NPAS1: variants seen among roughly 807,000 people sequenced by gnomAD.
NPAS1 encodes neuronal PAS domain protein 1.
Under a neutral mutation model 49.2 loss-of-function variants are expected in NPAS1, and 29 were observed. The observed-to-expected ratio is 0.59, with a 90% confidence interval of 0.44 to 0.80. NPAS1 has a LOEUF of 0.80. Among genes scored for constraint, NPAS1 ranks in the 30% least tolerant of loss-of-function variants. The probability of loss-of-function intolerance (pLI) is 0.00; values close to 1 mark genes in which losing one functional copy is unlikely to be tolerated. For synonymous variants in NPAS1, 408 were observed against 380.4 expected, an observed-to-expected ratio of 1.07 and a Z score of -0.84; for missense variants, 825 against 835.5, an observed-to-expected ratio of 0.99 and a Z score of 0.15.
At chr19:47,027,444 TTCTCTCTGCCCCTGGTCTCCCG>T (rs1568501438) in intron 3 of NPAS1, among the ~76,000 whole-genome samples, 3 of 108,618 alleles carry the variant, frequency 2.8e-5, no homozygotes, top group African/African-American at 7.4e-5. Flanking sequence ...CTGGTCTCCC[TTCTCTCTGCCCCTGGTCTCCCG>T]TCTCTCTGCC....
At chr19:47,035,652 G>A (rs1272045005) in intron 5 of NPAS1, among the ~76,000 whole-genome samples, 1 of 152,166 alleles carries the variant, frequency 6.6e-6, no homozygotes, top group Non-Finnish European at 1.5e-5. Context: ...GGGGGTGGTA[G>A]TGAGTAAGCA....
At chr19:47,036,897 AAAAG>A (rs542211604) in intron 6 of NPAS1, among the ~76,000 whole-genome samples, 38 of 151,776 alleles carry the variant, frequency 2.5e-4, no homozygotes, top group Admixed American at 4.6e-4. Flanking sequence ...CAACAACAAC[AAAAG>A]AAAGAAAAAA....
In NPAS1 at chr19:47,021,542, G is replaced by A; in HGVS notation, c.123-70G>A. The A allele has an allele frequency of 9.2e-7, 1 of 1,090,286 alleles. No individual in the cohort carries two copies. The highest frequency in any genetic ancestry group is 1.2e-6 in the Non-Finnish European group (1 of 802,600). 67.5% of individuals were successfully genotyped at this position (1,090,286 alleles called of 1,614,324 possible). The stretch of plus-strand genomic sequence containing the variant: ...CGTTCCCAAGGCCCCGGGAGGCGGG[G>A]CTCGCCCCCAGTTCCCAAGCCCCTG... On this transcript the variant is annotated intron_variant, in intron 2 of 11. Transcript: ENST00000602212. This position sits in a 1 kb window ranked among gnomAD's most constrained non-coding sequence, Gnocchi z 5.7.
rs760984704 is a variant in NPAS1, at chr19:47,039,461, G to A, written c.859G>A (p.Gly287Arg). ...RAHALGLVALGHTLPPAPLAE... is the reference protein window; with the variant it reads ...RAHALGLVALRHTLPPAPLAE... ...CCACGCCCTGGGCCTTGTGGCCCTCGGGCACACGTTGCCCCCGGCCCCCCT... is the reference window on the plus strand; with the variant it reads ...CCACGCCCTGGGCCTTGTGGCCCTCAGGCACACGTTGCCCCCGGCCCCCCT... The change falls in exon 8 of 12, where the codon GGG (glycine) becomes AGG (arginine). Residue 287 changes from glycine to arginine, a missense_variant. Gly to Arg is a moderately radical substitution (Grantham distance 125, BLOSUM62 -2). Transcript: ENST00000602212. 6 of 1,611,330 alleles carry A rather than the reference G, an allele frequency of 3.7e-6. No individual in the cohort carries two copies. Among genetic ancestry groups the A allele is most frequent in the Non-Finnish European group, 5.1e-6 (6 of 1,179,422 alleles).
chr19:47,039,123 G>T lies in NPAS1; in HGVS notation c.776G>T (p.Gly259Val). 6.2e-7 allele frequency: 1 copy of T among 1,612,970 alleles called. No individual in the cohort carries two copies. Among genetic ancestry groups the T allele is most frequent in the Non-Finnish European group, 8.5e-7 (1 of 1,179,416 alleles). The change falls in exon 7 of 12, where the codon GGG becomes GTG. Residue 259 changes from glycine to valine, a missense_variant. Physicochemically the swap from Gly to Val is moderately radical, Grantham distance 109. Coordinates refer to ENST00000602212, the MANE Select transcript of NPAS1 (RefSeq NM_002517.4). ...VRMKSTLTKR[G>V]LHVKASGYKV... ...ATGAAATCCACGCTCACCAAGAGGG[G>T]GCTGCACGTCAAGGCCTCAGGGTAC...
rs749618980 is a variant in NPAS1 at position 47,040,567 on chromosome 19, C to T, written c.1069+17C>T. 2 of 1,526,522 alleles carry T rather than the reference C, an allele frequency of 1.3e-6. No homozygotes were observed. Among genetic ancestry groups the T allele is most frequent in the Non-Finnish European group, 1.8e-6 (2 of 1,121,540 alleles). 94.6% of individuals were successfully genotyped at this position (1,526,522 alleles called of 1,614,324 possible). On this transcript the variant is annotated intron_variant, in intron 9 of 11. Coordinates refer to ENST00000602212, the MANE Select transcript of NPAS1 (RefSeq NM_002517.4). ...ACGTGGACTGTGAGACCCACCTCCA[C>T]CCACCAAGCCTGCCTACCACCCCCC... is the stretch of plus-strand genomic sequence containing the variant.
At position 47,033,975 on chromosome 19, in the gene NPAS1, T is replaced by TAAAAAAA. The variant is rs532811476; in HGVS notation, c.522+1283_522+1289dup. Among the ~76,000 whole-genome samples, 10 of 100,836 alleles carry TAAAAAAA rather than the reference T, an allele frequency of 9.9e-5. 1 individual carries two copies. The highest frequency in any genetic ancestry group is 1.5e-4 in the Non-Finnish European group (8 of 51,788). The allele number at this position is 100,836 out of a possible 152,430, so 66.2% of individuals were successfully genotyped here. A position where few individuals can be genotyped will look rare whatever the true frequency, so the allele number is the denominator to read the frequency against. ...TGGACAACAAAGTGAGGCTATGCCT[T>TAAAAAAA]AAAAAAAAAAAAAAAAAAAAAAAAA... On this transcript the variant is annotated intron_variant, in intron 5 of 11. Transcript: ENST00000602212.
At chr19:47,024,713 C>T (rs142528153) in intron 3 of NPAS1, among the ~76,000 whole-genome samples, 2 of 152,078 alleles carry the variant, frequency 1.3e-5, no homozygotes, top group East Asian at 3.9e-4. Context: ...CTCAGTCCTC[C>T]ATCTGTGAAA....
chr19:47,036,893 C>A (rs551644330), intron 6 of NPAS1, among the ~76,000 whole-genome samples: 66 of 151,394 alleles, frequency 4.4e-4, no homozygotes, highest in Non-Finnish European at 7.5e-4. Flanking sequence ...AAAACAACAA[C>A]AACAAAAGAA....
intron 3 of NPAS1, among the ~76,000 whole-genome samples, chr19:47,022,441 T>G (rs1057374650): frequency 6.6e-6 from 1 of 152,078 alleles, no homozygotes; most frequent in Non-Finnish European, 1.5e-5. Flanking sequence ...TAATGTGAAG[T>G]GGGAAAAAAC....
Position 47,021,585 on chromosome 19 carries a change from G to A in NPAS1, c.123-27G>A, listed in dbSNP as rs1376629106. ...AGCCCCTGAGCCCCGGGGCCCCGCC[G>A]ACACCTCCTCCGCGCCGCCCGCCCA... On this transcript the variant is annotated intron_variant, in intron 2 of 11. Transcript: ENST00000602212. The surrounding 1 kb of genome is among the most constrained non-coding windows in gnomAD (Gnocchi z 5.7). 1.4e-6 allele frequency: 2 copies of A among 1,425,710 alleles called. No homozygotes were observed. The highest frequency in any genetic ancestry group is 5.6e-5 in the East Asian group (2 of 35,904). The allele number at this position is 1,425,710 out of a possible 1,614,324, so 88.3% of individuals were successfully genotyped here.
At chr19:47,031,496 C>G (rs1310017386) in intron 3 of NPAS1, among the ~76,000 whole-genome samples, 3 of 150,086 alleles carry the variant, frequency 2.0e-5, no homozygotes, top group African/African-American at 7.4e-5. Flanking sequence ...CCTCGCCCAG[C>G]CTGTTGGTTT....
At chr19:47,042,961 G>A in intron 11 of NPAS1, 57 bp downstream of exon 11, 1 of 1,352,346 alleles carries the variant, frequency 7.4e-7, no homozygotes, top group East Asian at 2.8e-5. Context: ...TTTGGGTCCT[G>A]GCTGTCCATT....
intron 3 of NPAS1, among the ~76,000 whole-genome samples, chr19:47,027,552 CTGT>C (rs1224269487): frequency 2.6e-4 from 12 of 46,442 alleles, no homozygotes; most frequent in Admixed American, 2.0e-4. Flanking sequence ...CCCTGGTCTC[CTGT>C]CTGTCTGCCC....
intron 3 of NPAS1, among the ~76,000 whole-genome samples, chr19:47,030,953 T>C (rs1489018961): frequency 2.0e-5 from 3 of 152,118 alleles, no homozygotes; most frequent in Non-Finnish European, 4.4e-5. Context: ...TTGCCCATTT[T>C]TGAATTGTCT....
rs1568510776 is a variant in NPAS1 at position 47,042,011 on chromosome 19, A to AAAAAAAAAGG, written c.1218-795_1218-794insAAAAGGAAAA. On this transcript the variant is annotated intron_variant, in intron 10 of 11. Coordinates refer to ENST00000602212, the MANE Select transcript of NPAS1 (RefSeq NM_002517.4). ...AAAAAAAAAAAAAAAAAAAAAAGGAAAAAACACCCTTCTAGGCCAGGCACA... is the reference window on the plus strand; with the variant it reads ...AAAAAAAAAAAAAAAAAAAAAAGGAAAAAAAAAAGGAAAACACCCTTCTAGGCCAGGCACA... Among the ~76,000 whole-genome samples, 5 of 86,704 alleles carry AAAAAAAAAGG rather than the reference A, an allele frequency of 5.8e-5. 1 individual carries two copies. The highest frequency in any genetic ancestry group is 1.1e-3 in the South Asian group (2 of 1,792). The allele number at this position is 86,704 out of a possible 152,430, so 56.9% of individuals were successfully genotyped here.
At chr19:47,023,833 A>G (rs1028956301) in intron 3 of NPAS1, among the ~76,000 whole-genome samples, 11 of 152,142 alleles carry the variant, frequency 7.2e-5, no homozygotes, top group East Asian at 3.9e-4. Flanking sequence ...TTGGCTGGGC[A>G]CGGTGGCTCA....
Position 47,021,200 on chromosome 19 carries a change from G to T in NPAS1, c.122+31G>T. On this transcript the variant is annotated intron_variant, in intron 2 of 11. Coordinates refer to ENST00000602212, the MANE Select transcript of NPAS1 (RefSeq NM_002517.4). The surrounding 1 kb of genome is among the most constrained non-coding windows in gnomAD (Gnocchi z 5.7). Reference sequence around the variant, plus strand: ...CAAAGCCCCGCCCCCCTGGCCGCGGGCCCCCCCCCGGGTCCAATTCACACC... The same window carrying T: ...CAAAGCCCCGCCCCCCTGGCCGCGGTCCCCCCCCCGGGTCCAATTCACACC... The T allele has an allele frequency of 1.4e-6, 2 of 1,423,006 alleles. No homozygotes were observed. Among genetic ancestry groups the T allele is most frequent in the Non-Finnish European group, 1.9e-6 (2 of 1,068,856 alleles). The allele number at this position is 1,423,006 out of a possible 1,614,324, so 88.1% of individuals were successfully genotyped here.
Position 47,042,885 on chromosome 19 carries a change from C to G in NPAS1, c.1293C>G (p.Ser431Arg). ...PASVACEEAS[S>R]PGPEPTEPEP... is the part of the protein sequence containing the mutation. ...GCGTGGCCTGTGAGGAGGCATCCAG[C>G]CCGGGGCCAGAGCCCACAGGTGAGC... is the stretch of plus-strand genomic sequence containing the variant. Residue 431 changes from serine (S) to arginine (R), a missense_variant, in exon 11 of 12, where the codon AGC becomes AGG. Ser to Arg is a moderately radical substitution (Grantham distance 110). Transcript: ENST00000602212. The G allele has an allele frequency of 6.2e-7, 1 of 1,602,352 alleles. No homozygotes were observed. The highest frequency in any genetic ancestry group is 8.5e-7 in the Non-Finnish European group (1 of 1,174,752).
Sources: allele counts gnomAD v4.1 joint callset (sites outside exome capture counted in the v4.1 genomes callset), GRCh38; gene constraint gnomAD v4.1.1; non-coding constraint Gnocchi (gnomAD v3.1); transcripts MANE v1.5; gene names NCBI Gene and HGNC (gene_info 2026-07-23, HGNC 2026-07-21).